The following SHANK2 variants were observed in gnomAD, a reference collection of about 807,000 sequenced individuals.
SHANK2 encodes the protein SH3 and multiple ankyrin repeat domains protein 2.
In SHANK2, 43 loss-of-function variants were observed where a neutral mutation model predicts 133.7. That is an observed-to-expected ratio of 0.32 (90% CI 0.25 to 0.41). The LOEUF (loss-of-function observed/expected upper bound fraction) is 0.41, where lower values mean the gene tolerates loss of function less well. Ranked by LOEUF, SHANK2 falls within the 10% of genes least tolerant of loss-of-function variation. The probability of loss-of-function intolerance (pLI) is 1.00; values close to 1 mark genes in which losing one functional copy is unlikely to be tolerated. For synonymous variants in SHANK2, 1,017 were observed against 952.8 expected, an observed-to-expected ratio of 1.07 and a Z score of -1.24; for missense variants, 1,994 against 2,235.8, an observed-to-expected ratio of 0.89 and a Z score of 2.18.
chr11:71,154,608 C>T (rs1258407854), intron 2 of SHANK2, among the ~76,000 whole-genome samples: 1 of 152,220 alleles, frequency 6.6e-6, no homozygotes, highest in South Asian at 2.1e-4. Context: ...TCTGCAAAAG[C>T]AGACCTTCTG....
intron 2 of SHANK2, among the ~76,000 whole-genome samples, chr11:71,177,665 C>T (rs1417952892): frequency 6.6e-6 from 1 of 151,940 alleles, no homozygotes; most frequent in Non-Finnish European, 1.5e-5. Context: ...TAAATCAAAC[C>T]ATTATCAATT....
At chr11:70,871,249 G>A (rs1244595013) in intron 11 of SHANK2, among the ~76,000 whole-genome samples, 1 of 152,230 alleles carries the variant, frequency 6.6e-6, no homozygotes, top group South Asian at 2.1e-4. Context: ...CTTCAAAGGG[G>A]AGTCAGGGGT....
At chr11:70,523,371 T>A (rs1328953468) in intron 17 of SHANK2, among the ~76,000 whole-genome samples, 1 of 152,174 alleles carries the variant, frequency 6.6e-6, no homozygotes, top group Non-Finnish European at 1.5e-5. Context: ...GGTTCAAGTC[T>A]CAGCTGCCCC....
In SHANK2 at chr11:70,843,644, C is replaced by T. The variant is rs927844998; in HGVS notation, c.1175-22962G>A. On this transcript the variant is annotated intron_variant, in intron 11 of 25. Coordinates refer to ENST00000601538, the MANE Select transcript of SHANK2 (RefSeq NM_012309.5). ...ACCTACAAGCCGCAGAGACAGGCTG[C>T]AGGAGGCCCCAGCCCTGCGACACCT... 2.0e-5 allele frequency among the ~76,000 whole-genome samples: 3 copies of T among 151,976 alleles called. No individual in the cohort carries two copies. The East Asian group carries it at 5.9e-4, about 30-fold the overall frequency.
In SHANK2 at chr11:71,115,456, G is replaced by A. The variant is rs139697908; in HGVS notation, c.412-2092C>T. On this transcript the variant is annotated intron_variant, in intron 4 of 25. Coordinates refer to ENST00000601538, the MANE Select transcript of SHANK2 (RefSeq NM_012309.5). ...TGCACTCTAGCCTGGATGACAGAGCGAGACTCGGTCTCAAAAACAAAACAA... is the reference window on the plus strand; with the variant it reads ...TGCACTCTAGCCTGGATGACAGAGCAAGACTCGGTCTCAAAAACAAAACAA... Among the ~76,000 whole-genome samples, 44 of 152,266 alleles carry A rather than the reference G, an allele frequency of 2.9e-4. 1 individual carries two copies. The highest frequency in any genetic ancestry group is 9.1e-4 in the African/African-American group (38 of 41,560).
At chr11:70,741,579 T>C (rs1946527619) in intron 14 of SHANK2, among the ~76,000 whole-genome samples, 1 of 152,206 alleles carries the variant, frequency 6.6e-6, no homozygotes, top group Non-Finnish European at 1.5e-5. Flanking sequence ...TGCCTACTCA[T>C]TGTTCCCAGC....
At chr11:70,862,079 G>T (rs1226067402) in intron 11 of SHANK2, among the ~76,000 whole-genome samples, 1 of 152,106 alleles carries the variant, frequency 6.6e-6, no homozygotes, top group Non-Finnish European at 1.5e-5. Flanking sequence ...AACCTGGATG[G>T]ACTCCATGAG....
intron 1 of SHANK2, among the ~76,000 whole-genome samples, chr11:71,230,320 G>A (rs1193655934): frequency 4.6e-5 from 7 of 151,780 alleles, no homozygotes; most frequent in East Asian, 1.9e-4. Context: ...AGTGACTCAC[G>A]CCTGTAATCC....
chr11:71,073,182 A>T, intron 9 of SHANK2, among the ~76,000 whole-genome samples: 1 of 31,992 alleles, frequency 3.1e-5, no homozygotes, highest in African/African-American at 7.3e-5. Context: ...TTTTTGAGAT[A>T]GAGTCTTGCT....
intron 17 of SHANK2, among the ~76,000 whole-genome samples, chr11:70,587,189 G>A (rs556056248): frequency 4.6e-5 from 7 of 152,270 alleles, no homozygotes; most frequent in East Asian, 3.9e-4. Flanking sequence ...GAGCTGGGCC[G>A]GGCTTTATGA....
At chr11:71,180,525 A>G (rs1953533962) in intron 2 of SHANK2, among the ~76,000 whole-genome samples, 1 of 152,178 alleles carries the variant, frequency 6.6e-6, no homozygotes, top group African/African-American at 2.4e-5. Context: ...AGAAGTCGAC[A>G]GTGAAAGTCT....
At chr11:70,551,271 G>C (rs1173053180) in intron 17 of SHANK2, among the ~76,000 whole-genome samples, 1 of 152,256 alleles carries the variant, frequency 6.6e-6, no homozygotes, top group African/African-American at 2.4e-5. Context: ...CCGAGGCCTT[G>C]AGACGGAGGC....
intron 14 of SHANK2, among the ~76,000 whole-genome samples, chr11:70,719,313 G>T (rs1276198392): frequency 1.3e-5 from 2 of 152,224 alleles, no homozygotes; most frequent in African/African-American, 4.8e-5. Flanking sequence ...ACACAGCCAG[G>T]TAAGGGTGGA....
intron 11 of SHANK2, among the ~76,000 whole-genome samples, chr11:70,884,444 A>G (rs1319474769): frequency 1.3e-5 from 2 of 152,264 alleles, no homozygotes; most frequent in African/African-American, 4.8e-5. Context: ...GAAAGACAGC[A>G]TGGGCTTTGT....
chr11:70,762,053 G>A (rs1947008616), intron 14 of SHANK2, among the ~76,000 whole-genome samples: 1 of 152,156 alleles, frequency 6.6e-6, no homozygotes, highest in Non-Finnish European at 1.5e-5. Context: ...GTGGGCGTGG[G>A]GTTCTTTTTG....
chr11:70,553,614 C>T (rs1481789179), intron 17 of SHANK2, among the ~76,000 whole-genome samples: 5 of 152,136 alleles, frequency 3.3e-5, no homozygotes, highest in Admixed American at 2.6e-4. Flanking sequence ...GTGGGACGCA[C>T]GTCAATTCAG....
At chr11:71,101,323 C>T (rs1555096616) in intron 6 of SHANK2, among the ~76,000 whole-genome samples, 1 of 152,202 alleles carries the variant, frequency 6.6e-6, no homozygotes, top group Non-Finnish European at 1.5e-5. Context: ...CACCTCGCTC[C>T]ATCTAAGAGT....
chr11:70,749,484 A>G (rs931336244), intron 14 of SHANK2, among the ~76,000 whole-genome samples: 3 of 152,236 alleles, frequency 2.0e-5, no homozygotes, highest in Non-Finnish European at 4.4e-5. Context: ...TCTACACAAC[A>G]TAATACTCAC....
chr11:70,865,196 TC>T (rs1555068763), intron 11 of SHANK2: 1 of 152,106 alleles, frequency 6.6e-6, no homozygotes, highest in African/African-American at 2.4e-5. Context: ...GGAGTGGGGT[TC>T]AAGGGGTCCT....
Sources: allele counts gnomAD v4.1 joint callset (sites outside exome capture counted in the v4.1 genomes callset), GRCh38; gene constraint gnomAD v4.1.1; transcripts MANE v1.5; gene names NCBI Gene and HGNC (gene_info 2026-07-23, HGNC 2026-07-21).